Variants in CACNA2D2 observed in about 807,000 individuals in gnomAD.
The protein encoded by CACNA2D2 is voltage-dependent calcium channel subunit alpha-2/delta-2.
In CACNA2D2, 48 loss-of-function variants were observed where a neutral mutation model predicts 166.4. The ratio of observed to expected loss-of-function variants is 0.29; its 90% CI spans 0.23 to 0.37. The LOEUF (loss-of-function observed/expected upper bound fraction) is 0.37. Among genes scored for constraint, CACNA2D2 ranks in the 10% least tolerant of loss-of-function variants. The probability of loss-of-function intolerance (pLI) is 1.00; values close to 1 mark genes in which losing one functional copy is unlikely to be tolerated. For missense variants in CACNA2D2, 1,122 were observed against 1,433.0 expected, an observed-to-expected ratio of 0.78 and a Z score of 3.50; for synonymous variants, 561 against 573.7, an observed-to-expected ratio of 0.98 and a Z score of 0.32.
At chr3:50,461,112 G>A (rs1309912777) in intron 2 of CACNA2D2, among the ~76,000 whole-genome samples, 1 of 152,224 alleles carries the variant, frequency 6.6e-6, no homozygotes, top group Non-Finnish European at 1.5e-5. Context: ...TTGAAAGTGT[G>A]CACTGAGTGG....
rs1704904704 is a variant in CACNA2D2, at chr3:50,375,131, C to T, written c.1908-318G>A. Among the ~76,000 whole-genome samples, 1 of 152,252 alleles carries T rather than the reference C, an allele frequency of 6.6e-6. No homozygotes were observed. Among genetic ancestry groups the T allele is most frequent in the Non-Finnish European group, 1.5e-5 (1 of 68,044 alleles). On this transcript the variant is annotated intron_variant, in intron 21 of 37. Coordinates refer to ENST00000424201, the MANE Select transcript of CACNA2D2 (RefSeq NM_006030.4). This position sits in a 1 kb window ranked among gnomAD's most constrained non-coding sequence, Gnocchi z 4.0. ...CTCCCTCTGACCCACAAGGGGCAGA[C>T]GCTGCCGTGAGCTGGCTGCAATGCC...
chr3:50,448,060 G>A (rs1416944542), intron 2 of CACNA2D2, among the ~76,000 whole-genome samples: 1 of 152,106 alleles, frequency 6.6e-6, no homozygotes, highest in Non-Finnish European at 1.5e-5. Context: ...CCTCTGAGTT[G>A]CTATCACTTC....
chr3:50,416,531 C>T (rs1049023157), intron 3 of CACNA2D2, among the ~76,000 whole-genome samples: 1 of 152,152 alleles, frequency 6.6e-6, no homozygotes, highest in Admixed American at 6.5e-5. Context: ...CTCCAGGGTG[C>T]CCCCCTGAGG....
At chr3:50,455,830 A>T (rs982006847) in intron 2 of CACNA2D2, among the ~76,000 whole-genome samples, 1 of 152,258 alleles carries the variant, frequency 6.6e-6, no homozygotes, top group Non-Finnish European at 1.5e-5. Context: ...CAGACTAAAA[A>T]TAGTTTAATC....
chr3:50,428,970 C>T (rs1028998226), intron 3 of CACNA2D2, among the ~76,000 whole-genome samples: 2 of 152,194 alleles, frequency 1.3e-5, no homozygotes, highest in African/African-American at 4.8e-5. Flanking sequence ...TGGCTCACAC[C>T]TGTAATCCTA....
intron 5 of CACNA2D2, among the ~76,000 whole-genome samples, chr3:50,384,979 CAGT>C (rs1384655934): frequency 1.3e-5 from 2 of 152,208 alleles, no homozygotes; most frequent in South Asian, 2.1e-4. Context: ...TGCCTGGTAG[CAGT>C]AGGACTGAAA....
At chr3:50,458,227 G>C (rs934291475) in intron 2 of CACNA2D2, among the ~76,000 whole-genome samples, 7 of 152,252 alleles carry the variant, frequency 4.6e-5, no homozygotes, top group African/African-American at 1.7e-4. Flanking sequence ...ATGGGGAACT[G>C]AGACTTGGGA....
At chr3:50,479,535 G>A (rs1169014174) in intron 1 of CACNA2D2, among the ~76,000 whole-genome samples, 4 of 152,256 alleles carry the variant, frequency 2.6e-5, no homozygotes, top group Non-Finnish European at 5.9e-5. Context: ...CAGTGTCCCA[G>A]TGCCACCTCC....
At chr3:50,490,206 T>C (rs1698467705) in intron 1 of CACNA2D2, among the ~76,000 whole-genome samples, 2 of 152,168 alleles carry the variant, frequency 1.3e-5, no homozygotes, top group African/African-American at 4.8e-5. Context: ...TTTTGGCAAC[T>C]GGCTGCATGC....
chr3:50,434,327 C>T lies in CACNA2D2; in HGVS notation c.391G>A (p.Val131Met), dbSNP rs199936910. 7.9e-5 allele frequency: 127 copies of T among 1,613,422 alleles called. 1 individual carries two copies. Among genetic ancestry groups the T allele is most frequent in the Admixed American group, 3.3e-5 (2 of 60,004 alleles). The change falls in exon 3 of 38, where the codon GTG becomes ATG. Residue 131 changes from valine (V) to methionine (M), a missense_variant. Coordinates refer to ENST00000424201, the MANE Select transcript of CACNA2D2 (RefSeq NM_006030.4). ...CACACACCTACCTTCAGGGCCTGCACCTTCCTGTCCAGAAGGCTCTCAATG... is the reference window on the plus strand; with the variant it reads ...CACACACCTACCTTCAGGGCCTGCATCTTCCTGTCCAGAAGGCTCTCAATG... ...GDIESLLDRK[V>M]QALKRLADAA...
rs184263093 is a variant in CACNA2D2 at position 50,451,228 on chromosome 3, C to T, written c.289-16799G>A. ...GCAACCTCTGCCCCCTGGGTTCAAG[C>T]GATTCCCCTGCCTCAGCCTCCCGAG... On this transcript the variant is annotated intron_variant, in intron 2 of 37. Transcript: ENST00000424201. Among the ~76,000 whole-genome samples, 268 of 152,188 alleles carry T rather than the reference C, an allele frequency of 1.8e-3. 2 individuals are homozygous for T. The highest frequency in any genetic ancestry group is 6.0e-3 in the African/African-American group (248 of 41,520).
In CACNA2D2 at chr3:50,439,040, G is replaced by A. The variant is rs151295085; in HGVS notation, c.289-4611C>T. Among the ~76,000 whole-genome samples, 644 of 152,354 alleles carry A rather than the reference G, an allele frequency of 4.2e-3. 1 individual carries two copies. Among genetic ancestry groups the A allele is most frequent in the Non-Finnish European group, 6.6e-3 (451 of 68,030 alleles). ...GACACTGAAGGCCAGAGAGGTTAAG[G>A]CGCATGCAAAACTGCGGTTTGAACT... is the stretch of plus-strand genomic sequence containing the variant. On this transcript the variant is annotated intron_variant, in intron 2 of 37. Transcript: ENST00000424201.
At chr3:50,442,655 G>A (rs1444548251) in intron 2 of CACNA2D2, among the ~76,000 whole-genome samples, 2 of 152,116 alleles carry the variant, frequency 1.3e-5, no homozygotes, top group Admixed American at 1.3e-4. Flanking sequence ...ATATCCCAGG[G>A]CCCATGGGGC....
At chr3:50,469,152 T>C (rs1018918585) in intron 2 of CACNA2D2, among the ~76,000 whole-genome samples, 1 of 152,086 alleles carries the variant, frequency 6.6e-6, no homozygotes, top group African/African-American at 2.4e-5. Context: ...TTTAAGCCCA[T>C]GAGGCCTGAA....
intron 3 of CACNA2D2, among the ~76,000 whole-genome samples, chr3:50,400,432 C>A (rs1233690874): frequency 2.6e-5 from 4 of 152,272 alleles, no homozygotes; most frequent in Non-Finnish European, 5.9e-5. Context: ...TTTGTGTGGA[C>A]AGACAGTGCC....
chr3:50,481,917 C>A (rs1244779612), intron 1 of CACNA2D2, among the ~76,000 whole-genome samples: 3 of 152,158 alleles, frequency 2.0e-5, no homozygotes, highest in Non-Finnish European at 4.4e-5. Flanking sequence ...GATCGCTGAG[C>A]CTGGGAGGTC....
Position 50,468,730 on chromosome 3 carries a change from T to C in CACNA2D2, c.288+7388A>G, listed in dbSNP as rs955617776. Among the ~76,000 whole-genome samples, 8 of 152,126 alleles carry C rather than the reference T, an allele frequency of 5.3e-5. No individual in the cohort carries two copies. The South Asian group carries it at 8.3e-4, about 16-fold the overall frequency. The stretch of plus-strand genomic sequence containing the variant: ...TCTGGCCTCAGCCACTCTATTTTCT[T>C]ATGCACTAACTTCCCCATTCCCAAC... On this transcript the variant is annotated intron_variant, in intron 2 of 37. Coordinates refer to ENST00000424201, the MANE Select transcript of CACNA2D2 (RefSeq NM_006030.4).
At chr3:50,415,781 A>C (rs1707240448) in intron 3 of CACNA2D2, 1 of 152,286 alleles carries the variant, frequency 6.6e-6, no homozygotes, top group Admixed American at 6.5e-5. Context: ...AGGTGAATGA[A>C]TCAATGAATG....
intron 3 of CACNA2D2, among the ~76,000 whole-genome samples, chr3:50,431,600 C>T (rs934176649): frequency 6.6e-6 from 1 of 152,182 alleles, no homozygotes; most frequent in African/African-American, 2.4e-5. Context: ...CTTCCTTCTC[C>T]GGGTTGCTGT....
Sources: allele counts gnomAD v4.1 joint callset (sites outside exome capture counted in the v4.1 genomes callset), GRCh38; gene constraint gnomAD v4.1.1; non-coding constraint Gnocchi (gnomAD v3.1); transcripts MANE v1.5; gene names NCBI Gene and HGNC (gene_info 2026-07-23, HGNC 2026-07-21).